Variants in SBF2 observed in about 807,000 individuals in gnomAD.
The protein encoded by SBF2 is SET binding factor 2, also known as myotubularin-related protein 13.
SBF2 carries 112 observed loss-of-function variants against 225.2 expected under a neutral mutation model. That is an observed-to-expected ratio of 0.50 (90% CI 0.43 to 0.58). The LOEUF is 0.58. SBF2 is among the 20% of genes least tolerant of loss of function. The pLI is 0.00. For missense variants in SBF2, 1,996 were observed against 2,206.2 expected (o/e 0.90, Z 1.91); for synonymous variants, 763 against 773.3 (o/e 0.99, Z 0.22).
At chr11:10,236,048 G>T (rs1463651390) in intron 1 of SBF2, among the ~76,000 whole-genome samples, 1 of 152,154 alleles carries the variant, frequency 6.6e-6, no homozygotes, top group African/African-American at 2.4e-5. Context: ...TCCAGCCTGG[G>T]CAACAGAGCG....
At chr11:10,111,941 T>G (rs1490674769) in intron 2 of SBF2, among the ~76,000 whole-genome samples, 1 of 152,176 alleles carries the variant, frequency 6.6e-6, no homozygotes, top group Non-Finnish European at 1.5e-5. Context: ...ATTTAAAAAA[T>G]TCTATCAAGG....
At chr11:10,238,091 A>G (rs1169762036) in intron 1 of SBF2, among the ~76,000 whole-genome samples, 1 of 152,232 alleles carries the variant, frequency 6.6e-6, no homozygotes, top group East Asian at 1.9e-4. Context: ...ACAAGAATAT[A>G]GAAAGAATAA....
chr11:10,298,289 G>C (rs544898340), upstream of SBF2, among the ~76,000 whole-genome samples: 117 of 152,318 alleles, frequency 7.7e-4, no homozygotes, highest in Non-Finnish European at 1.4e-3. Context: ...TACTTGGGAG[G>C]CTGAGGCAAG....
At chr11:10,255,249 T>C (rs1462993327) in intron 1 of SBF2, among the ~76,000 whole-genome samples, 1 of 152,226 alleles carries the variant, frequency 6.6e-6, no homozygotes, top group Non-Finnish European at 1.5e-5. Flanking sequence ...GTTCTCAGTA[T>C]ACAAAATCAG....
rs1201147678 is a variant in SBF2, at chr11:10,031,061, G to A, written c.389C>T (p.Pro130Leu). 1 of 1,612,104 alleles carries A rather than the reference G, an allele frequency of 6.2e-7. No individual in the cohort carries two copies. Among genetic ancestry groups the A allele is most frequent in the Non-Finnish European group, 8.5e-7 (1 of 1,178,666 alleles). Residue 130 changes from proline (P) to leucine (L), a missense_variant, in exon 4 of 40, where the codon CCA becomes CTA. Pro to Leu is a moderately conservative substitution (Grantham distance 98, BLOSUM62 -3). Transcript: ENST00000256190. Reference protein sequence around the residue: ...SLVLVSRLYYPEIFRACLGLI... With the variant: ...SLVLVSRLYYLEIFRACLGLI... ...TGTGTTCTTTACCCTAAAAATTTCT[G>A]GATAATATAATCTGGATACCAACAC...
intron 6 of SBF2, among the ~76,000 whole-genome samples, chr11:10,023,233 T>C (rs1006772088): frequency 3.3e-5 from 5 of 152,362 alleles, no homozygotes; most frequent in African/African-American, 7.2e-5. Flanking sequence ...TATGAATTCA[T>C]GGATCTTAAA....
intron 2 of SBF2, among the ~76,000 whole-genome samples, chr11:10,152,684 G>A (rs1375791043): frequency 6.6e-6 from 1 of 152,088 alleles, no homozygotes; most frequent in Non-Finnish European, 1.5e-5. Flanking sequence ...TCTACTCAAA[G>A]GTGAGAACAA....
chr11:10,046,598 T>C (rs1949869401), intron 2 of SBF2, among the ~76,000 whole-genome samples: 1 of 151,322 alleles, frequency 6.6e-6, no homozygotes, highest in African/African-American at 2.4e-5. Context: ...ACACTAGAAG[T>C]AGAGGGAAAC....
At chr11:10,300,753 T>A (rs1422341625) in intron 1 of SBF2, among the ~76,000 whole-genome samples, 1 of 152,002 alleles carries the variant, frequency 6.6e-6, no homozygotes, top group Non-Finnish European at 1.5e-5. Flanking sequence ...TTTTGTCCTG[T>A]TACAGGTATT....
intron 16 of SBF2, among the ~76,000 whole-genome samples, chr11:9,937,685 T>C (rs1364350013): frequency 1.3e-5 from 2 of 152,050 alleles, no homozygotes; most frequent in African/African-American, 4.8e-5. Context: ...AAAACTTTCT[T>C]TTGAATTGGT....
intron 2 of SBF2, among the ~76,000 whole-genome samples, chr11:10,109,620 C>G (rs1952739005): frequency 6.6e-6 from 1 of 152,086 alleles, no homozygotes; most frequent in African/African-American, 2.4e-5. Flanking sequence ...TGGGTAGACA[C>G]TTAGAATAAT....
At chr11:10,282,635 A>C (rs949500279) in intron 1 of SBF2, among the ~76,000 whole-genome samples, 3 of 152,134 alleles carry the variant, frequency 2.0e-5, no homozygotes, top group Non-Finnish European at 4.4e-5. Flanking sequence ...ATTCATTACT[A>C]AATTTTACTA....
At chr11:9,909,530 C>G (rs1262035464) in intron 16 of SBF2, among the ~76,000 whole-genome samples, 6 of 151,906 alleles carry the variant, frequency 3.9e-5, no homozygotes. Flanking sequence ...ATTAGCCGGG[C>G]GTGGTGGCGG....
intron 17 of SBF2, among the ~76,000 whole-genome samples, chr11:9,870,538 A>G (rs943923161): frequency 6.6e-6 from 1 of 152,248 alleles, no homozygotes; most frequent in Non-Finnish European, 1.5e-5. Context: ...TACAGAACTC[A>G]GAAATAAGAC....
intron 34 of SBF2, among the ~76,000 whole-genome samples, chr11:9,790,101 T>C (rs1852646670): frequency 6.6e-6 from 1 of 152,220 alleles, no homozygotes; most frequent in Admixed American, 6.5e-5. Context: ...TAGATGTGCA[T>C]GGTGGGGCAG....
At chr11:10,152,761 T>G (rs1296778014) in intron 2 of SBF2, among the ~76,000 whole-genome samples, 1 of 152,030 alleles carries the variant, frequency 6.6e-6, no homozygotes, top group African/African-American at 2.4e-5. Context: ...GAACCAAAGA[T>G]AAAGCAGGAT....
chr11:10,206,485 G>GA (rs1260339545), intron 1 of SBF2, among the ~76,000 whole-genome samples: 2 of 151,722 alleles, frequency 1.3e-5, no homozygotes, highest in Non-Finnish European at 2.9e-5. Context: ...AACCAGAAAA[G>GA]ATCACAACTT....
chr11:10,242,330 C>T (rs1959297343), intron 1 of SBF2, among the ~76,000 whole-genome samples: 2 of 151,356 alleles, frequency 1.3e-5, no homozygotes, highest in African/African-American at 4.8e-5. Flanking sequence ...TTATGCAAGC[C>T]TCAGGATAAC....
chr11:9,861,641 G>T (rs538253996), intron 17 of SBF2, among the ~76,000 whole-genome samples: 70 of 146,712 alleles, frequency 4.8e-4, no homozygotes, highest in Middle Eastern at 3.4e-3. Context: ...TCCAGCCTAG[G>T]CAACAGAGTG....
Sources: gnomAD v4.1 joint callset for allele counts (sites outside exome capture counted in the v4.1 genomes callset) on GRCh38, gnomAD v4.1.1 for gene constraint, MANE v1.5 for transcripts, NCBI Gene and HGNC (gene_info 2026-07-23, HGNC 2026-07-21) for gene names.